The following FRMPD2 variants were observed in gnomAD, a reference collection of about 807,000 sequenced individuals.
The protein encoded by FRMPD2 is FERM and PDZ domain containing 2, also known as FERM and PDZ domain-containing protein 2.
A neutral mutation model predicts 140.1 loss-of-function variants in FRMPD2; 96 were observed. That is an observed-to-expected ratio of 0.69 (90% confidence interval 0.58 to 0.81). The LOEUF (loss-of-function observed/expected upper bound fraction) is 0.81, where lower values mean the gene tolerates loss of function less well. Ranked by LOEUF, FRMPD2 falls within the 40% of genes least tolerant of loss-of-function variation. The pLI, the probability that FRMPD2 is intolerant of heterozygous loss-of-function variation, is 0.00. For missense variants in FRMPD2, 1,240 were observed against 1,447.4 expected, an observed-to-expected ratio of 0.86 and a Z score of 2.32; for synonymous variants, 449 against 547.6, an observed-to-expected ratio of 0.82 and a Z score of 2.52.
intron 16 of FRMPD2, among the ~76,000 whole-genome samples, chr10:48,191,918 G>A (rs573470243): frequency 5.9e-5 from 9 of 152,238 alleles, no homozygotes; most frequent in Admixed American, 3.3e-4. Flanking sequence ...TGGACTCTAA[G>A]GCCAGCTGCT....
chr10:48,224,537 T>C (rs1473257648), intron 10 of FRMPD2, among the ~76,000 whole-genome samples: 1 of 152,196 alleles, frequency 6.6e-6, no homozygotes, highest in Non-Finnish European at 1.5e-5. Flanking sequence ...GCCTCTGCCC[T>C]TACTGCTGAA....
intron 3 of FRMPD2, among the ~76,000 whole-genome samples, chr10:48,245,289 C>T (rs867549629): frequency 1.4e-4 from 22 of 152,356 alleles, no homozygotes; most frequent in African/African-American, 5.1e-4. Context: ...CAGCCTGGAT[C>T]CTTGATGACA....
intron 12 of FRMPD2, 33 bp from the exon 13 acceptor site, chr10:48,212,142 T>A (rs1839340847): frequency 1.9e-6 from 3 of 1,607,458 alleles, no homozygotes; most frequent in Non-Finnish European, 2.6e-6. Flanking sequence ...AAGGGCACAA[T>A]CCAGACACTG....
At chr10:48,160,354 G>A (rs1311002689) in intron 28 of FRMPD2, among the ~76,000 whole-genome samples, 1 of 151,618 alleles carries the variant, frequency 6.6e-6, no homozygotes, top group African/African-American at 2.4e-5. Context: ...CAGCCATCTG[G>A]CTGTAGGAAG....
intron 4 of FRMPD2, among the ~76,000 whole-genome samples, chr10:48,242,990 C>G (rs1840161723): frequency 6.6e-6 from 1 of 152,200 alleles, no homozygotes; most frequent in African/African-American, 2.4e-5. Context: ...CAAAATCAGA[C>G]TTTTTCTCAA....
At chr10:48,222,251 C>A (rs1347725323) in intron 12 of FRMPD2, 62 bp downstream of exon 12, 1 of 1,557,400 alleles carries the variant, frequency 6.4e-7, no homozygotes, top group East Asian at 2.3e-5. Flanking sequence ...CTAACACATG[C>A]CCTCATCCTG....
intron 14 of FRMPD2, 29 bp from the exon 15 acceptor site, chr10:48,201,413 C>T (rs1269596564): frequency 6.2e-7 from 1 of 1,608,110 alleles, no homozygotes; most frequent in East Asian, 2.2e-5. Context: ...GACTTTAATA[C>T]ACTGATCATC....
intron 10 of FRMPD2, 131 bp from the exon 11 acceptor site, chr10:48,223,401 T>G: frequency 1.4e-6 from 1 of 740,700 alleles, no homozygotes. Flanking sequence ...GAGGTAAGTC[T>G]TTGCGTACCT....
chr10:48,217,816 G>A (rs894608984), intron 12 of FRMPD2, among the ~76,000 whole-genome samples: 4 of 152,180 alleles, frequency 2.6e-5, no homozygotes, highest in Admixed American at 1.3e-4. Context: ...GTCACTCACA[G>A]CCCTCCCTCT....
At position 48,244,767 on chromosome 10, in the gene FRMPD2, G is replaced by A; in HGVS notation, c.375+17C>T. On this transcript the variant is annotated intron_variant, in intron 4 of 28. Transcript: ENST00000374201. ...GAGACACAGCCCGGCAAGACTTGGA[G>A]TATCTTGTTTACAAACCTGATGTGG... The A allele has an allele frequency of 6.3e-7, 1 of 1,599,480 alleles. No homozygotes were observed. Among genetic ancestry groups the A allele is most frequent in the Non-Finnish European group, 8.6e-7 (1 of 1,166,598 alleles).
chr10:48,195,518 A>G (rs1262904583), intron 15 of FRMPD2, among the ~76,000 whole-genome samples: 1 of 152,186 alleles, frequency 6.6e-6, no homozygotes, highest in Non-Finnish European at 1.5e-5. Flanking sequence ...TTATTCCAAC[A>G]AGGATGCAAC....
intron 9 of FRMPD2, among the ~76,000 whole-genome samples, chr10:48,236,070 T>G (rs964301669): frequency 9.1e-5 from 10 of 109,712 alleles, no homozygotes; most frequent in African/African-American, 4.0e-4. Context: ...TGTTTTTTGT[T>G]TTTTTTTTTT....
intron 16 of FRMPD2, among the ~76,000 whole-genome samples, chr10:48,191,865 A>C (rs1838836787): frequency 6.6e-6 from 1 of 152,208 alleles, no homozygotes; most frequent in Non-Finnish European, 1.5e-5. Flanking sequence ...AATGATAAGA[A>C]ACTCATCAAT....
At chr10:48,210,731 T>C (rs1380810402) in intron 13 of FRMPD2, among the ~76,000 whole-genome samples, 3 of 152,236 alleles carry the variant, frequency 2.0e-5, no homozygotes, top group African/African-American at 7.2e-5. Context: ...GCTTGCAGGC[T>C]ACACCATGTT....
chr10:48,200,306 C>G (rs1049525110), intron 15 of FRMPD2, among the ~76,000 whole-genome samples: 2 of 152,136 alleles, frequency 1.3e-5, no homozygotes, highest in Admixed American at 1.3e-4. Flanking sequence ...CTCACCTGAA[C>G]CAACCAATCA....
chr10:48,200,582 G>T (rs1233978058), intron 15 of FRMPD2, among the ~76,000 whole-genome samples: 2 of 152,172 alleles, frequency 1.3e-5, no homozygotes, highest in Non-Finnish European at 2.9e-5. Context: ...CCTTTTCCAA[G>T]AACTTTTGTT....
chr10:48,184,612 G>T lies in FRMPD2; in HGVS notation c.2538C>A (p.Ile846=). 6.2e-7 allele frequency: 1 copy of T among 1,613,342 alleles called. No individual in the cohort carries two copies. Among genetic ancestry groups the T allele is most frequent in the Non-Finnish European group, 8.5e-7 (1 of 1,179,308 alleles). ...GFTFNMAVRM[I]QNSPDNIELI... Reference sequence around the variant, plus strand: ...ATTCTATGTTGTCAGGGGAATTCTGGATCATCCTAACAGCCATGTTGAATG... The same window carrying T: ...ATTCTATGTTGTCAGGGGAATTCTGTATCATCCTAACAGCCATGTTGAATG... The change falls in exon 20 of 29, where the codon ATC becomes ATA. Residue 846 remains isoleucine (I), a synonymous_variant. Transcript: ENST00000374201.
intron 1 of FRMPD2, among the ~76,000 whole-genome samples, chr10:48,253,423 C>T (rs961119169): frequency 1.4e-4 from 21 of 152,218 alleles, no homozygotes; most frequent in Admixed American, 7.2e-4. Context: ...CAGCTGATTT[C>T]TCATCAAAAA....
At chr10:48,270,746 G>A (rs1840752588) in intron 1 of FRMPD2, among the ~76,000 whole-genome samples, 1 of 151,840 alleles carries the variant, frequency 6.6e-6, no homozygotes, top group Non-Finnish European at 1.5e-5. Flanking sequence ...ACAGCAAATG[G>A]CATTCCCACC....
Sources: gnomAD v4.1 joint callset for allele counts (sites outside exome capture counted in the v4.1 genomes callset) on GRCh38, gnomAD v4.1.1 for gene constraint, MANE v1.5 for transcripts, NCBI Gene and HGNC (gene_info 2026-07-23, HGNC 2026-07-21) for gene names.